The following TMEM258 variants were observed in gnomAD, a reference collection of about 807,000 sequenced individuals.
The protein encoded by TMEM258 is transmembrane protein 258.
Under a neutral mutation model 9.9 loss-of-function variants are expected in TMEM258, and 11 were observed. That is an observed-to-expected ratio of 1.11 (90% CI 0.70 to 1.85). TMEM258 has a LOEUF of 1.85. Among genes scored for constraint, TMEM258 ranks in the 40% most tolerant of loss-of-function variants. The pLI, the probability that TMEM258 is intolerant of heterozygous loss-of-function variation, is 0.00. For synonymous variants in TMEM258, 40 were observed against 39.1 expected (o/e 1.02, Z -0.09); for missense variants, 81 against 99.7 (o/e 0.81, Z 0.80).
chr11:61,789,749 T>C (rs1217350370), intron 3 of TMEM258, 36 bp downstream of exon 3: 2 of 1,581,082 alleles, frequency 1.3e-6, no homozygotes, highest in African/African-American at 1.4e-5. Flanking sequence ...GGCTGTGCCT[T>C]GGAGGCTCAC....
chr11:61,790,386 C>T lies in TMEM258; in HGVS notation c.113+107G>A, dbSNP rs561602475. 8.7e-5 allele frequency: 87 copies of T among 996,058 alleles called. No homozygotes were observed. The African/African-American group carries it at 1.3e-3, about 15-fold the overall frequency. 61.7% of individuals were successfully genotyped at this position (996,058 alleles called of 1,614,324 possible). ...CCTCTCCTCCTTACCTTCTCTCAGC[C>T]CCAATCCAATGTACAAAACCGGCGG... On this transcript the variant is annotated intron_variant, in intron 2 of 3. Transcript: ENST00000537328.
rs772324641 is a variant in TMEM258 at position 61,792,584 on chromosome 11, G to C, written c.-26C>G. Reference sequence around the variant, plus strand: ...TTTGCCCCGCGAAGGCTAATCCGCCGCTCCGCCACCGGAAGAACACGTCGG... The same window carrying C: ...TTTGCCCCGCGAAGGCTAATCCGCCCCTCCGCCACCGGAAGAACACGTCGG... On this transcript the variant is annotated 5_prime_UTR_variant, in exon 1 of 4. Transcript: ENST00000537328. 5.6e-6 allele frequency: 9 copies of C among 1,613,460 alleles called. No individual in the cohort carries two copies. The highest frequency in any genetic ancestry group is 7.6e-6 in the Non-Finnish European group (9 of 1,179,978).
At position 61,790,682 on chromosome 11, in the gene TMEM258, C is replaced by T. The variant is rs2066777756; in HGVS notation, c.4-80G>A. The T allele has an allele frequency of 1.1e-5, 14 of 1,249,048 alleles. No individual in the cohort carries two copies. The South Asian group carries it at 1.8e-4, about 16-fold the overall frequency. 77.4% of individuals were successfully genotyped at this position (1,249,048 alleles called of 1,614,324 possible). On this transcript the variant is annotated intron_variant, in intron 1 of 3. Transcript: ENST00000537328. ...AGAGAACATGCGGTTATCAAGGAGC[C>T]TGGTGCTGCCGTGAAACAGAGGCTG...
intron 1 of TMEM258, 55 bp from the exon 2 acceptor site, chr11:61,790,657 A>T: frequency 6.7e-7 from 1 of 1,497,948 alleles, no homozygotes; most frequent in Non-Finnish European, 9.2e-7. Context: ...TTCAGCCTGG[A>T]GAGAACATGC....
chr11:61,792,385 T>G lies in TMEM258; in HGVS notation c.3+171A>C. 3.4e-6 allele frequency: 3 copies of G among 880,708 alleles called. No homozygotes were observed. The South Asian group carries it at 4.4e-5, about 13-fold the overall frequency. 54.6% of individuals were successfully genotyped at this position (880,708 alleles called of 1,614,324 possible). On this transcript the variant is annotated intron_variant, in intron 1 of 3. Coordinates refer to ENST00000537328, the MANE Select transcript of TMEM258 (RefSeq NM_014206.4). ...CTTAGAAATCGCGAGCTGAGAAACCTAAGGAGTTCATGGCAAGGGGCTTCC... is the reference window on the plus strand; with the variant it reads ...CTTAGAAATCGCGAGCTGAGAAACCGAAGGAGTTCATGGCAAGGGGCTTCC...
rs1178774279 is a variant in TMEM258 at position 61,789,866 on chromosome 11, A to AG, written c.168dup (p.Ser57LeufsTer29). 1 of 1,613,684 alleles carries AG rather than the reference A, an allele frequency of 6.2e-7. No homozygotes were observed. Among genetic ancestry groups the AG allele is most frequent in the Non-Finnish European group, 8.5e-7 (1 of 1,179,806 alleles). On this transcript the variant is annotated frameshift_variant, in exon 3 of 4. Coordinates refer to ENST00000537328, the MANE Select transcript of TMEM258 (RefSeq NM_014206.4). LOFTEE classifies it high-confidence loss of function. Reference sequence around the variant, plus strand: ...CCCATGAAGAGTGAGGCCACTAAGGAGATGAGGAGCTCTTTATAGATATCA... The same window carrying AG: ...CCCATGAAGAGTGAGGCCACTAAGGAGGATGAGGAGCTCTTTATAGATATCA...
intron 1 of TMEM258, 46 bp downstream of exon 1, chr11:61,792,510 G>A (rs779713197): frequency 1.4e-4 from 227 of 1,613,582 alleles, no homozygotes; most frequent in Non-Finnish European, 1.8e-4. Context: ...GTCAGACCCC[G>A]AGGGGTCCTC....
chr11:61,790,643 C>A, intron 1 of TMEM258, 41 bp from the exon 2 acceptor site: 2 of 1,551,214 alleles, frequency 1.3e-6, no homozygotes, highest in Non-Finnish European at 8.8e-7. Context: ...AAGAATCCCA[C>A]GATTTCAGCC....
chr11:61,791,521 C>T (rs191412161), intron 1 of TMEM258: 1 of 152,322 alleles, frequency 6.6e-6, no homozygotes, highest in African/African-American at 2.4e-5. Flanking sequence ...CTCAGCCTCC[C>T]AAAGTGCTGG....
In TMEM258 at chr11:61,790,506, C is replaced by A; in HGVS notation, c.100G>T (p.Ala34Ser). The change falls in exon 2 of 4, where the codon GCC becomes TCC. Residue 34 changes from alanine (A) to serine (S), a missense_variant. Transcript: ENST00000537328. ...VLLAIGMFFT[A>S]WFFVYEVTST... Reference sequence around the variant, plus strand: ...GTGAAAGGATACACGAAGAACCAGGCGGTGAAGAACATGCCAATGGCCAAA... The same window carrying A: ...GTGAAAGGATACACGAAGAACCAGGAGGTGAAGAACATGCCAATGGCCAAA... 1 of 1,613,808 alleles carries A rather than the reference C, an allele frequency of 6.2e-7. No homozygotes were observed. Among genetic ancestry groups the A allele is most frequent in the Non-Finnish European group, 8.5e-7 (1 of 1,179,824 alleles).
rs746472923 is a variant in TMEM258, at chr11:61,789,929, C to T, written c.114-8G>A. The T allele has an allele frequency of 6.4e-5, 103 of 1,611,716 alleles. No homozygotes were observed. Among genetic ancestry groups the T allele is most frequent in the Non-Finnish European group, 8.7e-5 (102 of 1,178,838 alleles). ...GTAGAGGTGACCTCGTAACTGGGCA[C>T]AGCAGTTAAGGCAAAGCGAAGGGGT... On this transcript the variant is annotated splice_polypyrimidine_tract_variant and splice_region_variant and intron_variant, in intron 2 of 3. Coordinates refer to ENST00000537328, the MANE Select transcript of TMEM258 (RefSeq NM_014206.4).
At position 61,790,555 on chromosome 11, in the gene TMEM258, G is replaced by C. The variant is rs753542386; in HGVS notation, c.51C>G (p.Val17=). Residue 17 remains valine (V), a synonymous_variant, in exon 2 of 4, where the codon GTC becomes GTG. Transcript: ENST00000537328. ...SRYTSPVNPA[V]FPHLTVVLLA... ...AAAGCACCACGGTCAGATGGGGGAAGACAGCTGGGTTCACTGGGCTGGTAT... is the reference window on the plus strand; with the variant it reads ...AAAGCACCACGGTCAGATGGGGGAACACAGCTGGGTTCACTGGGCTGGTAT... 24 of 1,614,060 alleles carry C rather than the reference G, an allele frequency of 1.5e-5. No individual in the cohort carries two copies. The highest frequency in any genetic ancestry group is 2.0e-5 in the Non-Finnish European group (24 of 1,180,028).
chr11:61,792,509 C>G (rs187944546), intron 1 of TMEM258, 47 bp downstream of exon 1: 1 of 1,613,630 alleles, frequency 6.2e-7, no homozygotes, highest in African/African-American at 1.3e-5. Context: ...GGTCAGACCC[C>G]GAGGGGTCCT....
chr11:61,789,953 G>A, intron 2 of TMEM258, 32 bp from the exon 3 acceptor site: 1 of 1,603,962 alleles, frequency 6.2e-7, no homozygotes, highest in Non-Finnish European at 8.5e-7. Context: ...AAGCGAAGGG[G>A]TGGACTGTGG....
chr11:61,789,852 T>C lies in TMEM258; in HGVS notation c.183A>G (p.Ser61=), dbSNP rs1853500720. 1 of 1,613,614 alleles carries C rather than the reference T, an allele frequency of 6.2e-7. No individual in the cohort carries two copies. Among genetic ancestry groups the C allele is most frequent in the Non-Finnish European group, 8.5e-7 (1 of 1,179,824 alleles). ...YKELLISLVA[S]LFMGFGVLFL... ...AGAGGACTCCAAAGCCCATGAAGAGTGAGGCCACTAAGGAGATGAGGAGCT... is the reference window on the plus strand; with the variant it reads ...AGAGGACTCCAAAGCCCATGAAGAGCGAGGCCACTAAGGAGATGAGGAGCT... Residue 61 remains serine, a synonymous_variant, in exon 3 of 4, where the codon TCA becomes TCG. Coordinates refer to ENST00000537328, the MANE Select transcript of TMEM258 (RefSeq NM_014206.4).
chr11:61,790,022 T>C lies in TMEM258; in HGVS notation c.114-101A>G, dbSNP rs2066770844. On this transcript the variant is annotated intron_variant, in intron 2 of 3. Coordinates refer to ENST00000537328, the MANE Select transcript of TMEM258 (RefSeq NM_014206.4). ...AGAAAAGCATTGGCTCAATGCCTTC[T>C]GGGAGGCCTATCTGGCTCAGAGCAG... 19 of 1,437,370 alleles carry C rather than the reference T, an allele frequency of 1.3e-5. No homozygotes were observed. The East Asian group carries it at 4.6e-4, about 35-fold the overall frequency. 89.0% of individuals were successfully genotyped at this position (1,437,370 alleles called of 1,614,324 possible). A position where few individuals can be genotyped will look rare whatever the true frequency, so the allele number is the denominator to read the frequency against.
At position 61,789,825 on chromosome 11, in the gene TMEM258, G is replaced by A. The variant is rs770688327; in HGVS notation, c.210C>T (p.Phe70=). ...ASLFMGFGVL[F]LLLWVGIYV Reference sequence around the variant, plus strand: ...CGTAGATGCCAACCCAGAGCAGCAGGAAGAGGACTCCAAAGCCCATGAAGA... The same window carrying A: ...CGTAGATGCCAACCCAGAGCAGCAGAAAGAGGACTCCAAAGCCCATGAAGA... The change falls in exon 3 of 4, where the codon TTC becomes TTT. Residue 70 remains phenylalanine, a synonymous_variant. Coordinates refer to ENST00000537328, the MANE Select transcript of TMEM258 (RefSeq NM_014206.4). 1 of 1,613,724 alleles carries A rather than the reference G, an allele frequency of 6.2e-7. No homozygotes were observed. Among genetic ancestry groups the A allele is most frequent in the Non-Finnish European group, 8.5e-7 (1 of 1,179,820 alleles).
Position 61,792,581 on chromosome 11 carries a change from G to T in TMEM258, c.-23C>A, listed in dbSNP as rs370899999. The T allele has an allele frequency of 7.4e-6, 12 of 1,613,514 alleles. No homozygotes were observed. Among genetic ancestry groups the T allele is most frequent in the East Asian group, 2.2e-5 (1 of 44,876 alleles). ...CATTTTGCCCCGCGAAGGCTAATCC[G>T]CCGCTCCGCCACCGGAAGAACACGT... On this transcript the variant is annotated 5_prime_UTR_variant, in exon 1 of 4. Transcript: ENST00000537328.
chr11:61,790,479 CAGTG>C lies in TMEM258; in HGVS notation c.113+10_113+13del. ...CACTAATGCTGGTCCTCTGGCTGCT[CAGTG>C]AAAGGATACACGAAGAACCAGGCGG... On this transcript the variant is annotated intron_variant, in intron 2 of 3. Transcript: ENST00000537328. 6.2e-7 allele frequency: 1 copy of C among 1,610,572 alleles called. No individual in the cohort carries two copies. The highest frequency in any genetic ancestry group is 1.1e-5 in the South Asian group (1 of 90,492).
Sources: gnomAD v4.1 joint callset for allele counts on GRCh38, gnomAD v4.1.1 for gene constraint, MANE v1.5 for transcripts, NCBI Gene and HGNC (gene_info 2026-07-23, HGNC 2026-07-21) for gene names.